Variants in FREM1 observed in about 807,000 individuals in gnomAD.
The protein encoded by FREM1 is FRAS1 related extracellular matrix 1.
A neutral mutation model predicts 210.1 loss-of-function variants in FREM1; 220 were observed. The ratio of observed to expected loss-of-function variants is 1.05; its 90% CI spans 0.94 to 1.17. The LOEUF (loss-of-function observed/expected upper bound fraction) is 1.17, where lower values mean the gene tolerates loss of function less well. Ranked by LOEUF, FREM1 falls within the 50% of genes most tolerant of loss-of-function variation. The pLI, the probability that FREM1 is intolerant of heterozygous loss-of-function variation, is 0.00. For synonymous variants in FREM1, 1,189 were observed against 980.2 expected (o/e 1.21, Z -3.98); for missense variants, 3,454 against 2,675.5 (o/e 1.29, Z -6.42).
chr9:14,864,044 C>A, intron 2 of FREM1, 141 bp from the exon 3 acceptor site: 1 of 633,810 alleles, frequency 1.6e-6, no homozygotes, highest in Non-Finnish European at 2.9e-6. Context: ...TCTTCACCAC[C>A]ACCACCTCTA....
intron 5 of FREM1, among the ~76,000 whole-genome samples, 170 bp downstream of exon 5, chr9:14,857,383 A>G (rs1297204639): frequency 1.3e-5 from 2 of 152,202 alleles, no homozygotes; most frequent in African/African-American, 4.8e-5. Flanking sequence ...TACTGTTTTA[A>G]GCACTTACTA....
chr9:14,786,801 T>C (rs560273420), intron 23 of FREM1, among the ~76,000 whole-genome samples: 2 of 152,178 alleles, frequency 1.3e-5, no homozygotes, highest in Admixed American at 1.3e-4. Context: ...CATTCTAAAT[T>C]TAAATCAAAA....
chr9:14,761,509 G>T (rs574785427), intron 27 of FREM1, among the ~76,000 whole-genome samples: 3 of 152,098 alleles, frequency 2.0e-5, no homozygotes, highest in Admixed American at 6.6e-5. Flanking sequence ...TTTAAATCTC[G>T]CATGAAACAG....
At position 14,746,409 on chromosome 9, in the gene FREM1, G is replaced by C. The variant is rs1842438092; in HGVS notation, c.6198C>G (p.Ile2066Met). 6 of 1,613,908 alleles carry C rather than the reference G, an allele frequency of 3.7e-6. No individual in the cohort carries two copies. Among genetic ancestry groups the C allele is most frequent in the Non-Finnish European group, 5.1e-6 (6 of 1,179,808 alleles). Reference sequence around the variant, plus strand: ...AGGTGCCTTTCTGCTCTGTGATCAAGATGTGACAGTAGCCTGAGTGCTGGT... The same window carrying C: ...AGGTGCCTTTCTGCTCTGTGATCAACATGTGACAGTAGCCTGAGTGCTGGT... ...GWHQHSGYCH[I>M]LITEQKGTWN... The change falls in exon 35 of 37, where the codon ATC (isoleucine) becomes ATG (methionine). Residue 2066 changes from isoleucine to methionine, a missense_variant. Transcript: ENST00000380880.
At chr9:14,891,059 C>A (rs1250690111) in intron 1 of FREM1, among the ~76,000 whole-genome samples, 1 of 152,210 alleles carries the variant, frequency 6.6e-6, no homozygotes, top group African/African-American at 2.4e-5. Flanking sequence ...TACCAAAACT[C>A]ACACCTAGGG....
chr9:14,839,680 C>T (rs944069236), intron 10 of FREM1, among the ~76,000 whole-genome samples: 1 of 152,122 alleles, frequency 6.6e-6, no homozygotes, highest in Non-Finnish European at 1.5e-5. Flanking sequence ...AGAAATCTGA[C>T]ATCTATACTT....
At chr9:14,824,754 C>T in intron 11 of FREM1, 42 bp downstream of exon 11, 2 of 1,417,186 alleles carry the variant, frequency 1.4e-6, no homozygotes, top group South Asian at 1.2e-5. Flanking sequence ...TTCAACTTTG[C>T]AATCCTAGAA....
chr9:14,784,981 T>G (rs1329337206), intron 23 of FREM1, among the ~76,000 whole-genome samples: 1 of 152,210 alleles, frequency 6.6e-6, no homozygotes, highest in Non-Finnish European at 1.5e-5. Flanking sequence ...AAGAGAGTCT[T>G]GCATACAATT....
rs1316479350 is a variant in FREM1, at chr9:14,792,943, G to C, written c.3840-59C>G. ...AATAGAAGATATTCCTTTAGTAGGG[G>C]ACACTTATATTGACTATCACAGTTC... On this transcript the variant is annotated intron_variant, in intron 21 of 36. Coordinates refer to ENST00000380880, the MANE Select transcript of FREM1 (RefSeq NM_001379081.2). The C allele has an allele frequency of 2.7e-6, 3 of 1,124,782 alleles. No individual in the cohort carries two copies. In the Admixed American group the frequency reaches 7.0e-5, roughly 26 times the overall value. The allele number at this position is 1,124,782 out of a possible 1,614,324, so 69.7% of individuals were successfully genotyped here. A position where few individuals can be genotyped will look rare whatever the true frequency, so the allele number is the denominator to read the frequency against.
At chr9:14,799,932 T>C (rs1588058142) in intron 20 of FREM1, among the ~76,000 whole-genome samples, 4 of 148,794 alleles carry the variant, frequency 2.7e-5, no homozygotes, top group African/African-American at 9.9e-5. Context: ...TATCTCCTAA[T>C]GCTATCCCTC....
chr9:14,772,430 T>C (rs1384023857), intron 25 of FREM1, among the ~76,000 whole-genome samples: 3 of 152,130 alleles, frequency 2.0e-5, no homozygotes, highest in African/African-American at 7.2e-5. Flanking sequence ...TAAGGAAATG[T>C]TCATAACACA....
intron 27 of FREM1, 93 bp downstream of exon 27, chr9:14,769,631 G>C (rs746184413): frequency 7.9e-7 from 1 of 1,267,020 alleles, no homozygotes; most frequent in South Asian, 1.5e-5. Flanking sequence ...TATCTTCTTG[G>C]GTTCTGTTTT....
chr9:14,826,518 A>G (rs556191782), intron 10 of FREM1, among the ~76,000 whole-genome samples: 2 of 152,272 alleles, frequency 1.3e-5, no homozygotes, highest in East Asian at 3.9e-4. Context: ...CAGCAACCTG[A>G]GTCTTTCTCA....
chr9:14,896,459 G>C (rs1325875872), intron 1 of FREM1, among the ~76,000 whole-genome samples: 2 of 149,658 alleles, frequency 1.3e-5, no homozygotes, highest in African/African-American at 2.5e-5. Context: ...CAGGAGAATT[G>C]CTTAAACTGG....
intron 3 of FREM1, among the ~76,000 whole-genome samples, chr9:14,860,638 C>CAT (rs1829750068): frequency 1.6e-5 from 2 of 125,806 alleles, no homozygotes; most frequent in African/African-American, 3.5e-5. Context: ...CATATATACA[C>CAT]ATGTATACAT....
intron 21 of FREM1, among the ~76,000 whole-genome samples, chr9:14,793,408 G>A (rs893640101): frequency 2.6e-5 from 4 of 152,148 alleles, no homozygotes; most frequent in African/African-American, 9.7e-5. Context: ...TAATGTTCTG[G>A]GTAGTATGTG....
chr9:14,870,191 A>G (rs192088147), intron 1 of FREM1, among the ~76,000 whole-genome samples: 8 of 152,346 alleles, frequency 5.3e-5, no homozygotes, highest in African/African-American at 1.7e-4. Flanking sequence ...TACCAAAATG[A>G]ATGTTTGTCA....
chr9:14,757,738 T>A (rs1442249368), intron 28 of FREM1, among the ~76,000 whole-genome samples: 4 of 152,150 alleles, frequency 2.6e-5, no homozygotes, highest in Non-Finnish European at 4.4e-5. Flanking sequence ...GCTGAAAAAT[T>A]CCTACTTCTA....
In FREM1 at chr9:14,836,221, T is replaced by C. The variant is rs1297289356; in HGVS notation, c.1881+5226A>G. ...GTGGGAATTGCTGTCCTCACTCTAC[T>C]ATTTGCAATAGGGTTATACACGGTA... On this transcript the variant is annotated intron_variant, in intron 10 of 36. Coordinates refer to ENST00000380880, the MANE Select transcript of FREM1 (RefSeq NM_001379081.2). This position sits in a 1 kb window ranked among gnomAD's most constrained non-coding sequence, Gnocchi z 4.9. Among the ~76,000 whole-genome samples the C allele has an allele frequency of 6.6e-6, 1 of 152,238 alleles. No homozygotes were observed. The highest frequency in any genetic ancestry group is 2.4e-5 in the African/African-American group (1 of 41,468).
Sources: gnomAD v4.1 joint callset for allele counts (sites outside exome capture counted in the v4.1 genomes callset) on GRCh38, gnomAD v4.1.1 for gene constraint, Gnocchi (gnomAD v3.1) non-coding constraint, MANE v1.5 for transcripts, NCBI Gene and HGNC (gene_info 2026-07-23, HGNC 2026-07-21) for gene names.